The following NECTIN4 variants were observed in gnomAD, a reference collection of about 807,000 sequenced individuals.
The protein encoded by NECTIN4 is nectin cell adhesion molecule 4.
NECTIN4 carries 19 observed loss-of-function variants against 51.7 expected under a neutral mutation model. The observed-to-expected ratio is 0.37, with a 90% CI of 0.26 to 0.54. The LOEUF (loss-of-function observed/expected upper bound fraction) is 0.54, where lower values mean the gene tolerates loss of function less well. NECTIN4 is among the 20% of genes least tolerant of loss of function. The pLI, the probability that NECTIN4 is intolerant of heterozygous loss-of-function variation, is 0.86. For missense variants in NECTIN4, 619 were observed against 662.4 expected, an observed-to-expected ratio of 0.93 and a Z score of 0.72; for synonymous variants, 283 against 286.9, an observed-to-expected ratio of 0.99 and a Z score of 0.14.
chr1:161,074,329 A>T lies in NECTIN4; in HGVS notation c.1045T>A (p.Ser349Thr). ...GCGATCACACCCACCACCACCACCG[A>T]GGCTGACACTAGGTCCACCTGCTTC... ...SGKQVDLVSA[S>T]VVVVGVIAAL... Residue 349 changes from serine (S) to threonine (T), a missense_variant, in exon 6 of 9, where the codon TCG (serine) becomes ACG (threonine). Ser to Thr is a moderately conservative substitution (Grantham distance 58, BLOSUM62 1). Around this residue, in one of 3 missense-constraint regions of NECTIN4, gnomAD observed 364 missense variants for 415.7 expected, o/e 0.88. Transcript: ENST00000368012. The T allele has an allele frequency of 6.2e-7, 1 of 1,614,006 alleles. No individual in the cohort carries two copies. The highest frequency in any genetic ancestry group is 8.5e-7 in the Non-Finnish European group (1 of 1,179,980).
In NECTIN4 at chr1:161,089,275, C is replaced by T. The variant is rs199976359; in HGVS notation, c.22G>A (p.Glu8Lys). Residue 8 changes from glutamate (E) to lysine (K), a missense_variant, in exon 1 of 9, where the codon GAG becomes AAG. Coordinates refer to ENST00000368012, the MANE Select transcript of NECTIN4 (RefSeq NM_030916.3). This position sits in a 1 kb window ranked among gnomAD's most constrained non-coding sequence, Gnocchi z 4.1. MPLSLGAEMWGPEAWLLL... is the reference protein window; with the variant it reads MPLSLGAKMWGPEAWLLL... ...AGCCAGGCCTCAGGCCCCCACATCT[C>T]GGCTCCCAGGGACAGGGGCATGGTT... The T allele has an allele frequency of 6.5e-5, 104 of 1,610,800 alleles. 1 individual carries two copies. The South Asian group carries it at 7.5e-4, about 12-fold the overall frequency.
rs1379384499 is a variant in NECTIN4, at chr1:161,079,832, G to GCCACTTGCC, written c.188_196dup (p.Gly63_Val65dup). 6.2e-7 allele frequency: 1 copy of GCCACTTGCC among 1,613,718 alleles called. No individual in the cohort carries two copies. The highest frequency in any genetic ancestry group is 8.5e-7 in the Non-Finnish European group (1 of 1,180,016). Reference sequence around the variant, plus strand: ...TTCGCCCGCGTCCACCCGAGCCCATGCCACTTGCCCCACTTGCTCGCCGGA... The same window carrying GCCACTTGCC: ...TTCGCCCGCGTCCACCCGAGCCCATGCCACTTGCCCCACTTGCCCCACTTGCTCGCCGGA... On this transcript the variant is annotated inframe_insertion, in exon 2 of 9. Transcript: ENST00000368012.
At chr1:161,085,546 G>C (rs773996572) in intron 1 of NECTIN4, among the ~76,000 whole-genome samples, 1 of 152,078 alleles carries the variant, frequency 6.6e-6, no homozygotes, top group Non-Finnish European at 1.5e-5. Context: ...GATTTAGAGG[G>C]AAGGGGGTGG....
intron 1 of NECTIN4, among the ~76,000 whole-genome samples, chr1:161,086,178 T>C (rs1246182423): frequency 2.6e-5 from 4 of 152,136 alleles, no homozygotes; most frequent in Admixed American, 2.0e-4. Flanking sequence ...TAATCCCCAT[T>C]CACTTTGCCT....
rs758983698 is a variant in NECTIN4 at position 161,079,723 on chromosome 1, C to A, written c.306G>T (p.Pro102=). 3 of 1,609,064 alleles carry A rather than the reference C, an allele frequency of 1.9e-6. No homozygotes were observed. Among genetic ancestry groups the A allele is most frequent in the Non-Finnish European group, 8.5e-7 (1 of 1,179,706 alleles). ...PAYEGRVEQP[P]PPRNPLDGSV... ...AGCCGTCCAGGGGGTTGCGTGGGGGCGGCGGCTGCTCCACGCGGCCCTCGT... is the reference window on the plus strand; with the variant it reads ...AGCCGTCCAGGGGGTTGCGTGGGGGAGGCGGCTGCTCCACGCGGCCCTCGT... The change falls in exon 2 of 9, where the codon CCG becomes CCT. Residue 102 remains proline, a synonymous_variant. Transcript: ENST00000368012.
At position 161,072,164 on chromosome 1, in the gene NECTIN4, C is replaced by A; in HGVS notation, c.*497G>T. 1 of 224,634 alleles carries A rather than the reference C, an allele frequency of 4.5e-6. No homozygotes were observed. The highest frequency in any genetic ancestry group is 9.1e-6 in the Non-Finnish European group (1 of 110,090). 13.9% of individuals were successfully genotyped at this position (224,634 alleles called of 1,614,324 possible). A position where few individuals can be genotyped will look rare whatever the true frequency, so the allele number is the denominator to read the frequency against. The stretch of plus-strand genomic sequence containing the variant: ...TATGCCCGCACACCTGGGTCTGAGC[C>A]ACAGTCTCCACCTCTCTCCTCCAAC... On this transcript the variant is annotated 3_prime_UTR_variant, in exon 9 of 9. Transcript: ENST00000368012.
In NECTIN4 at chr1:161,072,090, G is replaced by A. The variant is rs534808314; in HGVS notation, c.*571C>T. The A allele has an allele frequency of 1.6e-4, 29 of 185,906 alleles. No individual in the cohort carries two copies. The highest frequency in any genetic ancestry group is 1.2e-4 in the Non-Finnish European group (10 of 86,896). 11.5% of individuals were successfully genotyped at this position (185,906 alleles called of 1,614,324 possible). A position where few individuals can be genotyped will look rare whatever the true frequency, so the allele number is the denominator to read the frequency against. ...TCACACTTGCCCCCATGGCTCCGAA[G>A]TGGTAGGAGACAGGTTCCCTCACAC... On this transcript the variant is annotated 3_prime_UTR_variant, in exon 9 of 9. Transcript: ENST00000368012.
In NECTIN4 at chr1:161,072,446, T is replaced by TGCACACAC; in HGVS notation, c.*207_*214dup. The TGCACACAC allele has an allele frequency of 4.8e-6, 3 of 626,364 alleles. No homozygotes were observed. The allele number at this position is 626,364 out of a possible 1,614,324, so 38.8% of individuals were successfully genotyped here. On this transcript the variant is annotated 3_prime_UTR_variant, in exon 9 of 9. Coordinates refer to ENST00000368012, the MANE Select transcript of NECTIN4 (RefSeq NM_030916.3). ...CAGTCAACACTCACACAGGCACACA[T>TGCACACAC]GCACACACACAGTGACCTGCATGCA...
chr1:161,081,795 C>T (rs1309601756), intron 1 of NECTIN4, among the ~76,000 whole-genome samples: 1 of 151,822 alleles, frequency 6.6e-6, no homozygotes, highest in Non-Finnish European at 1.5e-5. Flanking sequence ...CAGCAGGAGT[C>T]CTCCCTCCTC....
chr1:161,072,263 A>G lies in NECTIN4; in HGVS notation c.*398T>C, dbSNP rs896139405. 4 of 357,228 alleles carry G rather than the reference A, an allele frequency of 1.1e-5. No individual in the cohort carries two copies. Among genetic ancestry groups the G allele is most frequent in the Non-Finnish European group, 2.2e-5 (4 of 183,938 alleles). 22.1% of individuals were successfully genotyped at this position (357,228 alleles called of 1,614,324 possible). ...TCAGGCAGAGGTCACACACAGCCAC[A>G]TGACACACACGCCAAACCCTGACAG... On this transcript the variant is annotated 3_prime_UTR_variant, in exon 9 of 9. Transcript: ENST00000368012.
chr1:161,077,317 C>T (rs1483271575), intron 3 of NECTIN4, 136 bp downstream of exon 3: 22 of 885,826 alleles, frequency 2.5e-5, no homozygotes, highest in Admixed American at 3.6e-5. Flanking sequence ...CACATTTGGA[C>T]TAGTGCTCTG....
At chr1:161,074,080 G>A in intron 6 of NECTIN4, 137 bp downstream of exon 6, 2 of 1,118,662 alleles carry the variant, frequency 1.8e-6, no homozygotes, top group Non-Finnish European at 2.7e-6. Flanking sequence ...CTCAGCCCTA[G>A]AAACACCCTG....
Position 161,089,276 on chromosome 1 carries a change from G to T in NECTIN4, c.21C>A (p.Ala7=). The part of the protein sequence containing the change: MPLSLG[A]EMWGPEAWLL... ...GCCAGGCCTCAGGCCCCCACATCTC[G>T]GCTCCCAGGGACAGGGGCATGGTTG... Residue 7 remains alanine (A), a synonymous_variant, in exon 1 of 9, where the codon GCC becomes GCA. Transcript: ENST00000368012. This position sits in a 1 kb window ranked among gnomAD's most constrained non-coding sequence, Gnocchi z 4.1. The T allele has an allele frequency of 1.2e-6, 2 of 1,610,634 alleles. No homozygotes were observed. Among genetic ancestry groups the T allele is most frequent in the Non-Finnish European group, 1.7e-6 (2 of 1,179,954 alleles).
At chr1:161,087,795 G>A (rs750283263) in intron 1 of NECTIN4, among the ~76,000 whole-genome samples, 85 of 152,092 alleles carry the variant, frequency 5.6e-4, no homozygotes, top group Non-Finnish European at 1.0e-3. Flanking sequence ...TACTCCTAAC[G>A]TTGAGTAATC....
Position 161,072,368 on chromosome 1 carries a change from C to T in NECTIN4, c.*293G>A, listed in dbSNP as rs1403109368. The T allele has an allele frequency of 7.8e-6, 4 of 512,400 alleles. No individual in the cohort carries two copies. The highest frequency in any genetic ancestry group is 3.8e-5 in the African/African-American group (2 of 51,986). 31.7% of individuals were successfully genotyped at this position (512,400 alleles called of 1,614,324 possible). A position where few individuals can be genotyped will look rare whatever the true frequency, so the allele number is the denominator to read the frequency against. ...CTCTGATATGACAGCATAATACACA[C>T]CACGGACACAGTCACCCCTCCACGG... On this transcript the variant is annotated 3_prime_UTR_variant, in exon 9 of 9. Transcript: ENST00000368012.
intron 2 of NECTIN4, among the ~76,000 whole-genome samples, chr1:161,078,585 G>A (rs531553240): frequency 1.3e-5 from 2 of 152,030 alleles, no homozygotes; most frequent in African/African-American, 4.8e-5. Context: ...TGGGATTACA[G>A]GGCATGAGCC....
In NECTIN4 at chr1:161,079,818, C is replaced by T. The variant is rs1653595118; in HGVS notation, c.211G>A (p.Asp71Asn). 2 of 1,613,586 alleles carry T rather than the reference C, an allele frequency of 1.2e-6. No homozygotes were observed. Among genetic ancestry groups the T allele is most frequent in the Non-Finnish European group, 1.7e-6 (2 of 1,180,010 alleles). ...QVGQVAWARV[D>N]AGEGAQELAL... ...AGTTCCTGGGCGCCTTCGCCCGCGT[C>T]CACCCGAGCCCATGCCACTTGCCCC... Residue 71 changes from aspartate (D) to asparagine (N), a missense_variant, in exon 2 of 9, where the codon GAC (aspartate) becomes AAC (asparagine). Physicochemically the swap from Asp to Asn is conservative, Grantham distance 23 (BLOSUM62 1). This residue lies in a region of NECTIN4 where 218 missense variants were observed against 186.3 expected (regional missense o/e 1.17). Transcript: ENST00000368012.
At chr1:161,072,973 G>A in intron 8 of NECTIN4, 88 bp from the exon 9 acceptor site, 2 of 1,321,490 alleles carry the variant, frequency 1.5e-6, no homozygotes, top group South Asian at 2.5e-5. Flanking sequence ...TGGGATCAGA[G>A]GCCAGGCGTA....
At chr1:161,080,707 G>A (rs1653644818) in intron 1 of NECTIN4, among the ~76,000 whole-genome samples, 1 of 152,206 alleles carries the variant, frequency 6.6e-6, no homozygotes, top group African/African-American at 2.4e-5. Flanking sequence ...AGAATTGTAA[G>A]CTGGAATCGG....
Sources: gnomAD v4.1 joint callset for allele counts (sites outside exome capture counted in the v4.1 genomes callset) on GRCh38, gnomAD v4.1.1 for gene constraint, gnomAD v4.1.1 regional missense constraint, Gnocchi (gnomAD v3.1) non-coding constraint, MANE v1.5 for transcripts, NCBI Gene and HGNC (gene_info 2026-07-23, HGNC 2026-07-21) for gene names.